The following UGT2A1 variants were observed in gnomAD, a reference collection of about 807,000 sequenced individuals.
UGT2A1 encodes UDP-glucuronosyltransferase 2A1.
A neutral mutation model predicts 45.4 loss-of-function variants in UGT2A1; 61 were observed. That is an observed-to-expected ratio of 1.34 (90% CI 1.09 to 1.66). The LOEUF is 1.66. UGT2A1 is among the 40% of genes most tolerant of loss of function. The probability of loss-of-function intolerance (pLI) is 0.00; values close to 1 mark genes in which losing one functional copy is unlikely to be tolerated. For missense variants in UGT2A1, 649 were observed against 574.3 expected (o/e 1.13, Z -1.33); for synonymous variants, 229 against 196.2 (o/e 1.17, Z -1.40).
In UGT2A1 at chr4:69,639,265, T is replaced by C; in HGVS notation, c.716-3443A>G. On this transcript the variant is annotated intron_variant, in intron 2 of 6. Transcript: ENST00000286604. ...AGTTGTATGTTAATTTGAAAGAAAG[T>C]GTCTAGAAGTTTTCCTAGTTCTTTG... is the stretch of plus-strand genomic sequence containing the variant. 1 of 1,613,698 alleles carries C rather than the reference T, an allele frequency of 6.2e-7. No homozygotes were observed. The highest frequency in any genetic ancestry group is 1.7e-5 in the Admixed American group (1 of 59,972).
At chr4:69,631,344 AATG>A (rs1353298381) in intron 3 of UGT2A1, among the ~76,000 whole-genome samples, 8 of 152,144 alleles carry the variant, frequency 5.3e-5, no homozygotes, top group Non-Finnish European at 7.4e-5. Flanking sequence ...ATAAAATTAA[AATG>A]ATAATATTTT....
chr4:69,644,120 A>C (rs1474678926), intron 2 of UGT2A1, among the ~76,000 whole-genome samples: 1 of 151,718 alleles, frequency 6.6e-6, no homozygotes, highest in South Asian at 2.1e-4. Flanking sequence ...TCAGAGGATA[A>C]GAACATCTTT....
chr4:69,641,285 T>C (rs2109972581), intron 2 of UGT2A1, among the ~76,000 whole-genome samples: 1 of 152,098 alleles, frequency 6.6e-6, no homozygotes, highest in South Asian at 2.1e-4. Flanking sequence ...ATAACGCTTT[T>C]AATTTGAGTT....
In UGT2A1 at chr4:69,594,602, C is replaced by T. The variant is rs150848863; in HGVS notation, c.1179G>A (p.Met393Ile). 8.7e-4 allele frequency: 1,405 copies of T among 1,614,148 alleles called. 14 individuals carry two copies. The African/African-American group carries it at 0.014, about 16-fold the overall frequency. The change falls in exon 6 of 7, where the codon ATG becomes ATA. Residue 393 changes from methionine (M) to isoleucine (I), a missense_variant. Met to Ile is a conservative substitution (Grantham distance 10). Transcript: ENST00000286604. ...YHGVPMVGVP[M>I]FADQPDNIAH... ...CAATGTTATCAGGCTGATCAGCAAA[C>T]ATGGGAACTCCCACCATAGGGACTC...
Position 69,611,533 on chromosome 4 carries a change from G to T in UGT2A1, c.848-12139C>A, listed in dbSNP as rs565991186. 2.0e-5 allele frequency among the ~76,000 whole-genome samples: 3 copies of T among 152,092 alleles called. No homozygotes were observed. The East Asian group carries it at 5.8e-4, about 30-fold the overall frequency. On this transcript the variant is annotated intron_variant, in intron 3 of 6. Transcript: ENST00000286604. ...CTTTAAATGAAGAGTAATGCTACAT[G>T]ATATAGCTCAGAGTTTTTTTCTCCA...
chr4:69,648,605 T>A (rs1722386662), intron 1 of UGT2A1, among the ~76,000 whole-genome samples: 1 of 152,012 alleles, frequency 6.6e-6, no homozygotes, highest in African/African-American at 2.4e-5. Context: ...GGATCTTTTA[T>A]AATTACTCCC....
intron 3 of UGT2A1, among the ~76,000 whole-genome samples, chr4:69,601,627 T>A (rs906181530): frequency 5.3e-5 from 8 of 152,044 alleles, no homozygotes; most frequent in African/African-American, 1.9e-4. Context: ...CACATGCCAG[T>A]ACGTTACTAC....
chr4:69,595,295 G>T, intron 4 of UGT2A1, 46 bp from the exon 5 acceptor site: 1 of 1,597,224 alleles, frequency 6.3e-7, no homozygotes, highest in Non-Finnish European at 8.6e-7. Context: ...ACACAATGAG[G>T]ACATTTTAAG....
chr4:69,616,611 G>A (rs1199189320), intron 3 of UGT2A1, among the ~76,000 whole-genome samples: 1 of 151,872 alleles, frequency 6.6e-6, no homozygotes, highest in Non-Finnish European at 1.5e-5. Context: ...ACCATTTCCT[G>A]TAAAGCCACT....
In UGT2A1 at chr4:69,653,241, C is replaced by T. The variant is rs906098025; in HGVS notation, c.-108G>A. The T allele has an allele frequency of 6.6e-6, 1 of 151,852 alleles. No individual in the cohort carries two copies. The highest frequency in any genetic ancestry group is 1.5e-5 in the Non-Finnish European group (1 of 67,984). The allele number at this position is 151,852 out of a possible 1,614,324, so 9.4% of individuals were successfully genotyped here. A position where few individuals can be genotyped will look rare whatever the true frequency, so the allele number is the denominator to read the frequency against. On this transcript the variant is annotated 5_prime_UTR_variant, in exon 1 of 7. Transcript: ENST00000286604. ...CACTCATTTGACATTAGGAAGAAGC[C>T]GAATGTAAATAAATCCTAGGTGGAT...
At chr4:69,617,848 T>C (rs1404522985) in intron 3 of UGT2A1, among the ~76,000 whole-genome samples, 2 of 151,836 alleles carry the variant, frequency 1.3e-5, no homozygotes, top group African/African-American at 4.8e-5. Context: ...GGGCAATAAT[T>C]GTCTTATGTA....
At chr4:69,630,835 T>C (rs1334390489) in intron 3 of UGT2A1, among the ~76,000 whole-genome samples, 1 of 152,016 alleles carries the variant, frequency 6.6e-6, no homozygotes, top group African/African-American at 2.4e-5. Flanking sequence ...CACACCCACA[T>C]ACACACAACA....
chr4:69,645,971 T>C (rs956228780), intron 2 of UGT2A1, among the ~76,000 whole-genome samples: 1 of 151,838 alleles, frequency 6.6e-6, no homozygotes, highest in Non-Finnish European at 1.5e-5. Context: ...TTTTAAAATA[T>C]CCTTATGCAT....
intron 3 of UGT2A1, among the ~76,000 whole-genome samples, chr4:69,624,903 A>G (rs1720955105): frequency 6.6e-6 from 1 of 151,232 alleles, no homozygotes; most frequent in Admixed American, 6.6e-5. Flanking sequence ...CCATTCGTCT[A>G]GATCGAAATT....
Position 69,601,617 on chromosome 4 carries a change from C to T in UGT2A1, c.848-2223G>A, listed in dbSNP as rs139766259. 4.2e-4 allele frequency among the ~76,000 whole-genome samples: 64 copies of T among 152,160 alleles called. No homozygotes were observed. In the East Asian group the frequency reaches 0.012, roughly 29 times the overall value. On this transcript the variant is annotated intron_variant, in intron 3 of 6. Transcript: ENST00000286604. Reference sequence around the variant, plus strand: ...GTAACCAGGAGGTCCTGAGTTTGTCCACATGCCAGTACGTTACTACCACAG... The same window carrying T: ...GTAACCAGGAGGTCCTGAGTTTGTCTACATGCCAGTACGTTACTACCACAG...
intron 3 of UGT2A1, among the ~76,000 whole-genome samples, chr4:69,599,974 A>G (rs574728481): frequency 1.3e-5 from 2 of 152,194 alleles, no homozygotes; most frequent in African/African-American, 4.8e-5. Flanking sequence ...TGCCTCTCCC[A>G]CTTGAAAAGA....
chr4:69,631,169 G>A (rs1281396645), intron 3 of UGT2A1, among the ~76,000 whole-genome samples: 1 of 152,084 alleles, frequency 6.6e-6, no homozygotes, highest in Non-Finnish European at 1.5e-5. Flanking sequence ...TAGAAAAGCA[G>A]AGAGCTAGGG....
rs1298114477 is a variant in UGT2A1 at position 69,588,776 on chromosome 4, T to C, written c.*596A>G. On this transcript the variant is annotated 3_prime_UTR_variant, in exon 7 of 7. Coordinates refer to ENST00000286604, the MANE Select transcript of UGT2A1 (RefSeq NM_001252275.3). ...AAGTTATGCCGTGATTTTCTAGATA[T>C]GCTTAATGAAAATTTTGTAGACATT... 6.6e-6 allele frequency: 1 copy of C among 152,106 alleles called. No homozygotes were observed. Among genetic ancestry groups the C allele is most frequent in the Non-Finnish European group, 1.5e-5 (1 of 68,028 alleles). The allele number at this position is 152,106 out of a possible 1,614,324, so 9.4% of individuals were successfully genotyped here.
intron 3 of UGT2A1, among the ~76,000 whole-genome samples, chr4:69,608,169 C>A (rs192522029): frequency 2.6e-5 from 4 of 152,004 alleles, no homozygotes; most frequent in Admixed American, 6.6e-5. Flanking sequence ...TGGAACCAAC[C>A]CAAATGTCCA....
Sources: gnomAD v4.1 joint callset for allele counts (sites outside exome capture counted in the v4.1 genomes callset) on GRCh38, gnomAD v4.1.1 for gene constraint, MANE v1.5 for transcripts, NCBI Gene and HGNC (gene_info 2026-07-23, HGNC 2026-07-21) for gene names.